Variants in FSTL4 observed in about 807,000 individuals in gnomAD.
FSTL4 encodes follistatin-related protein 4.
Under a neutral mutation model 78.2 loss-of-function variants are expected in FSTL4, and 28 were observed. That is an observed-to-expected ratio of 0.36 (90% CI 0.27 to 0.49). The LOEUF (loss-of-function observed/expected upper bound fraction) is 0.49. FSTL4 is among the 20% of genes least tolerant of loss of function. The pLI, the probability that FSTL4 is intolerant of heterozygous loss-of-function variation, is 0.98. For synonymous variants in FSTL4, 422 were observed against 440.5 expected, an observed-to-expected ratio of 0.96 and a Z score of 0.53; for missense variants, 922 against 1,084.9, an observed-to-expected ratio of 0.85 and a Z score of 2.11.
At chr5:133,306,197 G>T (rs903315219) in intron 6 of FSTL4, among the ~76,000 whole-genome samples, 1 of 152,260 alleles carries the variant, frequency 6.6e-6, no homozygotes, top group South Asian at 2.1e-4. Flanking sequence ...GGTGGCAGGA[G>T]TTGGGCCGGG....
chr5:133,397,785 C>T (rs1472804892), intron 4 of FSTL4, among the ~76,000 whole-genome samples: 1 of 152,180 alleles, frequency 6.6e-6, no homozygotes, highest in African/African-American at 2.4e-5. Flanking sequence ...TTTCTGGGGA[C>T]AGATAAAGTC....
At chr5:133,242,557 GGGAAAGA>G (rs1440140953) in intron 7 of FSTL4, among the ~76,000 whole-genome samples, 1 of 152,134 alleles carries the variant, frequency 6.6e-6, no homozygotes, top group Non-Finnish European at 1.5e-5. Flanking sequence ...CCCCTAAGAG[GGGAAAGA>G]GGACCTCGAA....
chr5:133,360,904 C>G (rs1445793125), intron 4 of FSTL4, among the ~76,000 whole-genome samples: 1 of 152,134 alleles, frequency 6.6e-6, no homozygotes, highest in Non-Finnish European at 1.5e-5. Context: ...AGCTTAATTG[C>G]CATCTTACCG....
chr5:133,262,142 C>A (rs1752542852), intron 6 of FSTL4, among the ~76,000 whole-genome samples: 1 of 152,226 alleles, frequency 6.6e-6, no homozygotes, highest in Non-Finnish European at 1.5e-5. Flanking sequence ...TAGGCTTTTC[C>A]TTTCCTCCAG....
intron 3 of FSTL4, among the ~76,000 whole-genome samples, chr5:133,482,549 C>T (rs1758049040): frequency 6.6e-6 from 1 of 152,210 alleles, no homozygotes; most frequent in Non-Finnish European, 1.5e-5. Context: ...GCCCATGGTG[C>T]ACTTCTCCCT....
intron 6 of FSTL4, among the ~76,000 whole-genome samples, chr5:133,271,510 G>A (rs1460774353): frequency 6.6e-6 from 1 of 152,198 alleles, no homozygotes; most frequent in African/African-American, 2.4e-5. Flanking sequence ...CTTGCCAGGA[G>A]TGGCTAGCCT....
intron 13 of FSTL4, 45 bp from the exon 14 acceptor site, chr5:133,210,343 C>A: frequency 1.8e-6 from 2 of 1,134,538 alleles, no homozygotes; most frequent in South Asian, 2.5e-5. Flanking sequence ...ACATGATGGT[C>A]ATTTCTGGGC....
the FSTL4 span, among the ~76,000 whole-genome samples, chr5:133,759,618 A>G: frequency 6.6e-6 from 1 of 152,372 alleles, no homozygotes; most frequent in East Asian, 1.9e-4. Flanking sequence ...TATACAAAAA[A>G]TTTTAAGCAA....
At chr5:133,711,647 A>G in the FSTL4 span, among the ~76,000 whole-genome samples, 1 of 152,350 alleles carries the variant, frequency 6.6e-6, no homozygotes, top group South Asian at 2.1e-4. Context: ...GTGATTATAG[A>G]GAAGAAACAA....
At chr5:133,322,451 G>C (rs1377433310) in intron 4 of FSTL4, among the ~76,000 whole-genome samples, 3 of 152,184 alleles carry the variant, frequency 2.0e-5, no homozygotes, top group African/African-American at 4.8e-5. Flanking sequence ...GAGGATCTAG[G>C]GGCAAGCAGC....
At chr5:133,414,372 G>C (rs1157127200) in intron 3 of FSTL4, among the ~76,000 whole-genome samples, 2 of 151,942 alleles carry the variant, frequency 1.3e-5, no homozygotes, top group African/African-American at 2.4e-5. Context: ...TAGCACTTGA[G>C]GGGCCCAGGT....
chr5:133,735,536 C>T, the FSTL4 span, among the ~76,000 whole-genome samples: 1 of 152,188 alleles, frequency 6.6e-6, no homozygotes, highest in African/African-American at 2.4e-5. Flanking sequence ...ATTCCCTTCA[C>T]CAAAACACTT....
At chr5:133,417,114 A>G (rs958338152) in intron 3 of FSTL4, among the ~76,000 whole-genome samples, 1 of 152,266 alleles carries the variant, frequency 6.6e-6, no homozygotes, top group East Asian at 1.9e-4. Context: ...ACTAAAATTC[A>G]TATCTTTTTA....
intron 2 of FSTL4, among the ~76,000 whole-genome samples, chr5:133,571,262 T>G (rs1045038224): frequency 6.6e-6 from 1 of 152,132 alleles, no homozygotes; most frequent in Admixed American, 6.5e-5. Flanking sequence ...TATTCTTGAG[T>G]AGATAAAGAT....
chr5:133,515,329 C>A (rs1487766878), intron 3 of FSTL4, among the ~76,000 whole-genome samples: 1 of 151,158 alleles, frequency 6.6e-6, no homozygotes, highest in African/African-American at 2.4e-5. Flanking sequence ...GAGGTCAGGG[C>A]TGGAATGAGC....
intron 3 of FSTL4, among the ~76,000 whole-genome samples, chr5:133,558,524 G>T (rs1759844137): frequency 6.6e-6 from 1 of 152,126 alleles, no homozygotes; most frequent in Non-Finnish European, 1.5e-5. Context: ...GTGGGTCACT[G>T]TCTCCATGGA....
At chr5:133,234,287 G>A (rs1751590790) in intron 7 of FSTL4, among the ~76,000 whole-genome samples, 1 of 152,332 alleles carries the variant, frequency 6.6e-6, no homozygotes, top group East Asian at 1.9e-4. Flanking sequence ...AAGAGCACTA[G>A]GAAGGGCGGA....
At chr5:133,357,393 C>T (rs1754965451) in intron 4 of FSTL4, among the ~76,000 whole-genome samples, 1 of 152,164 alleles carries the variant, frequency 6.6e-6, no homozygotes, top group South Asian at 2.1e-4. Context: ...CTAGCTGCAT[C>T]TTCAGCCTGG....
chr5:133,237,862 T>C (rs1208809017), intron 7 of FSTL4, among the ~76,000 whole-genome samples: 1 of 152,112 alleles, frequency 6.6e-6, no homozygotes, highest in Non-Finnish European at 1.5e-5. Context: ...GCTTTTTTTT[T>C]TTTTTGCTCT....
Sources: allele counts gnomAD v4.1 joint callset (sites outside exome capture counted in the v4.1 genomes callset), GRCh38; gene constraint gnomAD v4.1.1; transcripts MANE v1.5; gene names NCBI Gene and HGNC (gene_info 2026-07-23, HGNC 2026-07-21).